The following LPXN variants were observed in gnomAD, a reference collection of about 807,000 sequenced individuals.
The protein encoded by LPXN is leupaxin.
In LPXN, 28 loss-of-function variants were observed where a neutral mutation model predicts 45.6. That is an observed-to-expected ratio of 0.61 (90% CI 0.45 to 0.84). LPXN has a LOEUF of 0.84. LPXN is among the 40% of genes least tolerant of loss of function. The pLI is 0.00. For synonymous variants in LPXN, 166 were observed against 169.9 expected (o/e 0.98, Z 0.18); for missense variants, 459 against 475.0 (o/e 0.97, Z 0.31).
At chr11:58,563,739 G>T (rs980092296) in intron 3 of LPXN, among the ~76,000 whole-genome samples, 8 of 152,214 alleles carry the variant, frequency 5.3e-5, no homozygotes, top group Non-Finnish European at 1.0e-4. Context: ...ATACTCATCA[G>T]TTGGCCATGG....
At chr11:58,564,516 C>A (rs909563498) in intron 2 of LPXN, among the ~76,000 whole-genome samples, 1 of 152,168 alleles carries the variant, frequency 6.6e-6, no homozygotes, top group Non-Finnish European at 1.5e-5. Context: ...CAGAGCTAAG[C>A]CCCTTTAACT....
rs1293394027 is a variant in LPXN at position 58,570,652 on chromosome 11, T to C, written c.75A>G (p.Pro25=). ...TLQDSDEYSN[P]APLPLDQHSR... is the part of the protein sequence containing the mutation. ...AATGCTGATCCAGGGGAAGAGGAGC[T>C]GGGTTGGAATATTCATCACTGTCCT... The change falls in exon 2 of 9, where the codon CCA becomes CCG. Residue 25 remains proline, a synonymous_variant. Coordinates refer to ENST00000395074, the MANE Select transcript of LPXN (RefSeq NM_004811.3). 1 of 1,613,978 alleles carries C rather than the reference T, an allele frequency of 6.2e-7. No homozygotes were observed. Among genetic ancestry groups the C allele is most frequent in the South Asian group, 1.1e-5 (1 of 91,072 alleles).
At chr11:58,527,927 G>A (rs1853275176) in intron 8 of LPXN, 116 bp downstream of exon 8, 12 of 1,260,254 alleles carry the variant, frequency 9.5e-6, no homozygotes, top group Non-Finnish European at 1.2e-5. Flanking sequence ...CCTTTAGGAT[G>A]CGCACATCCA....
At chr11:58,553,282 G>A (rs1415298722) in intron 4 of LPXN, among the ~76,000 whole-genome samples, 1 of 145,236 alleles carries the variant, frequency 6.9e-6, no homozygotes, top group Non-Finnish European at 1.5e-5. Context: ...GTTGCAGTGA[G>A]CCGAGATCAT....
At chr11:58,554,605 T>C (rs556373730) in intron 4 of LPXN, 2 of 349,940 alleles carry the variant, frequency 5.7e-6, no homozygotes, top group African/African-American at 4.2e-5. Flanking sequence ...TCCAGCTCCT[T>C]GAGATCAAAG....
chr11:58,531,656 T>C (rs1218118178), intron 7 of LPXN, among the ~76,000 whole-genome samples: 1 of 152,220 alleles, frequency 6.6e-6, no homozygotes. Context: ...CCAGGAGAAC[T>C]TCCTCAACCT....
At chr11:58,539,562 G>C (rs1210800023) in intron 7 of LPXN, among the ~76,000 whole-genome samples, 1 of 151,980 alleles carries the variant, frequency 6.6e-6, no homozygotes, top group Non-Finnish European at 1.5e-5. Flanking sequence ...AATTGAAGGG[G>C]CTACCTCTGA....
intron 7 of LPXN, among the ~76,000 whole-genome samples, chr11:58,537,806 T>A (rs966609346): frequency 3.9e-5 from 6 of 152,004 alleles, no homozygotes; most frequent in Non-Finnish European, 7.4e-5. Flanking sequence ...AGTTTTAGGG[T>A]ACATGTGCAC....
chr11:58,573,844 G>A (rs554992777), intron 1 of LPXN, among the ~76,000 whole-genome samples: 1 of 152,284 alleles, frequency 6.6e-6, no homozygotes, highest in Admixed American at 6.5e-5. Flanking sequence ...TCTCTTGGGA[G>A]TCTCTGAGGG....
intron 3 of LPXN, among the ~76,000 whole-genome samples, chr11:58,555,853 G>A (rs1854187651): frequency 6.6e-6 from 1 of 151,840 alleles, no homozygotes; most frequent in Admixed American, 6.6e-5. Context: ...ACTTAAGTGT[G>A]ATATTAAAAA....
chr11:58,550,214 C>A, intron 5 of LPXN, 68 bp from the exon 6 acceptor site: 1 of 1,429,010 alleles, frequency 7.0e-7, no homozygotes. Flanking sequence ...GGTTGCACAA[C>A]TCTAGGGAGC....
At chr11:58,551,292 T>C in intron 4 of LPXN, 60 bp from the exon 5 acceptor site, 6 of 1,384,938 alleles carry the variant, frequency 4.3e-6, no homozygotes, top group Non-Finnish European at 5.8e-6. Context: ...ATTGGCATCT[T>C]CTAATGACTC....
At position 58,543,103 on chromosome 11, in the gene LPXN, A is replaced by ACT. The variant is rs751078176; in HGVS notation, c.742+6681_742+6682dup. Reference sequence around the variant, plus strand: ...ACTGTGTCTCAAATACTACCTAATCACTCTCTCTCTCGCCATGCAGAGTAG... The same window carrying ACT: ...ACTGTGTCTCAAATACTACCTAATCACTCTCTCTCTCTCGCCATGCAGAGTAG... On this transcript the variant is annotated intron_variant, in intron 7 of 8. Transcript: ENST00000395074. Among the ~76,000 whole-genome samples, 24 of 151,418 alleles carry ACT rather than the reference A, an allele frequency of 1.6e-4. 1 individual carries two copies. Among genetic ancestry groups the ACT allele is most frequent in the African/African-American group, 5.3e-4 (22 of 41,214 alleles).
intron 4 of LPXN, among the ~76,000 whole-genome samples, chr11:58,553,238 A>G (rs187023502): frequency 4.1e-3 from 621 of 150,022 alleles, no homozygotes; most frequent in Non-Finnish European, 7.1e-3. Flanking sequence ...CAGGAGGCTG[A>G]GGCACTAGAA....
rs768859516 is a variant in LPXN at position 58,527,514 on chromosome 11, G to A, written c.1101C>T (p.Phe367=). The A allele has an allele frequency of 2.5e-6, 4 of 1,614,162 alleles. No homozygotes were observed. Among genetic ancestry groups the A allele is most frequent in the Non-Finnish European group, 3.4e-6 (4 of 1,180,034 alleles). The stretch of plus-strand genomic sequence containing the variant: ...AATAGGTCTTGTCATTCTGCTCCCT[G>A]AAAATGCCCTTCGACAACTGTGTCA... ...FCLTQLSKGI[F]REQNDKTYCQ... Residue 367 remains phenylalanine (F), a synonymous_variant, in exon 9 of 9, where the codon TTC becomes TTT. Coordinates refer to ENST00000395074, the MANE Select transcript of LPXN (RefSeq NM_004811.3).
chr11:58,530,318 G>C (rs915977220), intron 7 of LPXN, among the ~76,000 whole-genome samples: 3 of 152,216 alleles, frequency 2.0e-5, no homozygotes, highest in African/African-American at 4.8e-5. Context: ...CTTACTGCCA[G>C]CACAGCAGTC....
At chr11:58,568,019 C>T (rs975629778) in intron 2 of LPXN, among the ~76,000 whole-genome samples, 1 of 152,160 alleles carries the variant, frequency 6.6e-6, no homozygotes, top group Admixed American at 6.5e-5. Context: ...CAATTTCTCC[C>T]ATTTTCTACT....
intron 7 of LPXN, among the ~76,000 whole-genome samples, chr11:58,536,136 C>T (rs1045893234): frequency 6.6e-6 from 1 of 152,186 alleles, no homozygotes; most frequent in East Asian, 1.9e-4. Context: ...CATTGACTTT[C>T]TTCATAGAAT....
chr11:58,569,977 T>C (rs972793242), intron 2 of LPXN, among the ~76,000 whole-genome samples: 2 of 151,996 alleles, frequency 1.3e-5, no homozygotes, highest in African/African-American at 2.4e-5. Context: ...GTGAATGCAA[T>C]ACTCTGCCTG....
Sources: gnomAD v4.1 joint callset for allele counts (sites outside exome capture counted in the v4.1 genomes callset) on GRCh38, gnomAD v4.1.1 for gene constraint, MANE v1.5 for transcripts, NCBI Gene and HGNC (gene_info 2026-07-23, HGNC 2026-07-21) for gene names.